Variants in KCND2 observed in about 807,000 individuals in gnomAD.
KCND2 encodes the protein A-type voltage-gated potassium channel KCND2.
KCND2 carries 16 observed loss-of-function variants against 54.4 expected under a neutral mutation model. The observed-to-expected ratio is 0.29, with a 90% CI of 0.20 to 0.45. The LOEUF (loss-of-function observed/expected upper bound fraction) is 0.45, where lower values mean the gene tolerates loss of function less well. KCND2 is among the 20% of genes least tolerant of loss of function. The pLI, the probability that KCND2 is intolerant of heterozygous loss-of-function variation, is 1.00. For missense variants in KCND2, 486 were observed against 824.2 expected (o/e 0.59, Z 5.02); for synonymous variants, 317 against 310.7 (o/e 1.02, Z -0.21).
intron 1 of KCND2, among the ~76,000 whole-genome samples, chr7:120,430,554 T>C (rs1218431098): frequency 1.4e-5 from 2 of 145,838 alleles, no homozygotes; most frequent in African/African-American, 5.0e-5. Context: ...GACCCTATCT[T>C]AAAAAAAAAA....
chr7:120,737,364 C>T (rs1792888888), intron 2 of KCND2, among the ~76,000 whole-genome samples: 1 of 151,958 alleles, frequency 6.6e-6, no homozygotes, highest in African/African-American at 2.4e-5. Flanking sequence ...CAAAATTACC[C>T]AGCTCCTAAT....
chr7:120,627,018 G>T (rs1793172359), intron 1 of KCND2, among the ~76,000 whole-genome samples: 1 of 152,156 alleles, frequency 6.6e-6, no homozygotes, highest in East Asian at 1.9e-4. Context: ...AGTTGGTTAA[G>T]ATCCAGTCCC....
chr7:120,464,824 T>C (rs1802344932), intron 1 of KCND2, among the ~76,000 whole-genome samples: 3 of 152,174 alleles, frequency 2.0e-5, no homozygotes, highest in Admixed American at 2.0e-4. Flanking sequence ...CCGTCCATCT[T>C]CAAAGCCAGC....
intron 1 of KCND2, among the ~76,000 whole-genome samples, chr7:120,338,339 A>G (rs1352586973): frequency 1.3e-5 from 2 of 151,968 alleles, no homozygotes; most frequent in Non-Finnish European, 2.9e-5. Flanking sequence ...TATATAGCCA[A>G]TCTTTCCCTG....
At chr7:120,679,614 C>A (rs1273993032) in intron 1 of KCND2, among the ~76,000 whole-genome samples, 1 of 151,980 alleles carries the variant, frequency 6.6e-6, no homozygotes, top group African/African-American at 2.4e-5. Context: ...TATTTTGGCT[C>A]TTTTAATTAT....
At chr7:120,744,262 C>CAATAAATA (rs569691252) in intron 4 of KCND2, among the ~76,000 whole-genome samples, 8 of 152,014 alleles carry the variant, frequency 5.3e-5, no homozygotes, top group African/African-American at 1.9e-4. Flanking sequence ...GACTCTGTCT[C>CAATAAATA]AATAAATAAA....
intron 1 of KCND2, among the ~76,000 whole-genome samples, chr7:120,455,515 A>G (rs1241522447): frequency 3.4e-4 from 52 of 152,190 alleles, no homozygotes; most frequent in Non-Finnish European, 4.4e-5. Flanking sequence ...TTGTTCTACC[A>G]TAAAGACACC....
chr7:120,695,202 T>C (rs2116608387), intron 1 of KCND2, among the ~76,000 whole-genome samples: 1 of 150,930 alleles, frequency 6.6e-6, no homozygotes, highest in East Asian at 1.9e-4. Context: ...TGTATATTAG[T>C]TTTATATATA....
intron 1 of KCND2, among the ~76,000 whole-genome samples, chr7:120,480,627 C>T (rs765722024): frequency 3.9e-5 from 6 of 152,120 alleles, no homozygotes; most frequent in African/African-American, 7.2e-5. Flanking sequence ...CCTGATAAAA[C>T]GATCAGTTCA....
intron 1 of KCND2, among the ~76,000 whole-genome samples, chr7:120,530,751 A>T (rs562458074): frequency 1.3e-5 from 2 of 152,132 alleles, no homozygotes; most frequent in Non-Finnish European, 2.9e-5. Context: ...TTGTTTGACC[A>T]TTATTCAAAT....
intron 1 of KCND2, among the ~76,000 whole-genome samples, chr7:120,430,981 T>C (rs1352708939): frequency 2.0e-5 from 3 of 152,232 alleles, no homozygotes; most frequent in African/African-American, 7.2e-5. Context: ...TATCAATAAA[T>C]ATATCACACA....
intron 1 of KCND2, among the ~76,000 whole-genome samples, chr7:120,472,225 C>T (rs1349716177): frequency 2.6e-5 from 4 of 151,436 alleles, no homozygotes; most frequent in Non-Finnish European, 5.9e-5. Context: ...GAGATAATAA[C>T]AGTAACAGTA....
At chr7:120,449,650 G>A (rs1386063078) in intron 1 of KCND2, among the ~76,000 whole-genome samples, 2 of 152,148 alleles carry the variant, frequency 1.3e-5, no homozygotes. Flanking sequence ...ATTAATAGAA[G>A]CAAATGCTTA....
intron 1 of KCND2, among the ~76,000 whole-genome samples, chr7:120,470,388 C>T (rs953383281): frequency 2.6e-5 from 4 of 152,062 alleles, no homozygotes; most frequent in Admixed American, 2.6e-4. Flanking sequence ...TTCTACTCTG[C>T]TATCAAGCAC....
chr7:120,732,342 A>G (rs768867077), intron 1 of KCND2, among the ~76,000 whole-genome samples: 1 of 152,206 alleles, frequency 6.6e-6, no homozygotes. Context: ...AGAATAGTCA[A>G]CTAATAAGCT....
At chr7:120,677,730 A>G (rs182848525) in intron 1 of KCND2, among the ~76,000 whole-genome samples, 1 of 152,108 alleles carries the variant, frequency 6.6e-6, no homozygotes, top group East Asian at 1.9e-4. Context: ...TTCGCCTCTG[A>G]TGATTACATG....
At chr7:120,367,032 G>A (rs187538605) in intron 1 of KCND2, among the ~76,000 whole-genome samples, 41 of 152,192 alleles carry the variant, frequency 2.7e-4, no homozygotes, top group Admixed American at 4.6e-4. Flanking sequence ...CGTAGTTACA[G>A]TATCTAAGGG....
Position 120,670,564 on chromosome 7 carries a change from A to T in KCND2, c.1116-62339A>T, listed in dbSNP as rs547696410. Among the ~76,000 whole-genome samples, 22 of 152,120 alleles carry T rather than the reference A, an allele frequency of 1.4e-4. No homozygotes were observed. In the South Asian group the frequency reaches 3.5e-3, roughly 24 times the overall value. ...ATTTATCACCCTGAGTGAAATCAGA[A>T]ATTCACTGTAAAACCATGCCCCACC... On this transcript the variant is annotated intron_variant, in intron 1 of 5. Coordinates refer to ENST00000331113, the MANE Select transcript of KCND2 (RefSeq NM_012281.3).
intron 1 of KCND2, among the ~76,000 whole-genome samples, chr7:120,589,354 C>G (rs185378828): frequency 1.3e-5 from 2 of 152,198 alleles, no homozygotes; most frequent in East Asian, 3.9e-4. Flanking sequence ...TTTTACCATT[C>G]TTACAAAAAA....
Sources: allele counts gnomAD v4.1 joint callset (sites outside exome capture counted in the v4.1 genomes callset), GRCh38; gene constraint gnomAD v4.1.1; transcripts MANE v1.5; gene names NCBI Gene and HGNC (gene_info 2026-07-23, HGNC 2026-07-21).